Variants in TACC3 observed in about 807,000 individuals in gnomAD.
TACC3 encodes transforming acidic coiled-coil-containing protein 3.
A neutral mutation model predicts 86.0 loss-of-function variants in TACC3; 52 were observed. The observed-to-expected ratio is 0.60, with a 90% CI of 0.48 to 0.76. The LOEUF is 0.76. Ranked by LOEUF, TACC3 falls within the 30% of genes least tolerant of loss-of-function variation. The pLI is 0.00. For synonymous variants in TACC3, 512 were observed against 430.0 expected (o/e 1.19, Z -2.36); for missense variants, 1,120 against 1,070.4 (o/e 1.05, Z -0.65).
intron 3 of TACC3, 108 bp from the exon 4 acceptor site, chr4:1,727,600 G>C: frequency 6.7e-7 from 1 of 1,502,512 alleles, no homozygotes; most frequent in Non-Finnish European, 8.9e-7. Flanking sequence ...GGGTGACTCA[G>C]CCCTGCTTCT....
intron 6 of TACC3, among the ~76,000 whole-genome samples, chr4:1,733,849 ATGCC>A (rs955094281): frequency 6.6e-6 from 1 of 152,020 alleles, no homozygotes; most frequent in African/African-American, 2.4e-5. Context: ...GTGTTGGCAC[ATGCC>A]TGTAATCCTA....
In TACC3 at chr4:1,744,554, C is replaced by T. The variant is rs1169162345; in HGVS notation, c.2260C>T (p.Leu754=). 4.3e-6 allele frequency: 7 copies of T among 1,613,128 alleles called. No individual in the cohort carries two copies. The highest frequency in any genetic ancestry group is 5.9e-6 in the Non-Finnish European group (7 of 1,179,988). Reference sequence around the variant, plus strand: ...ACTGAAGAAGTGCGTGGAGGATTACCTGGCAAGGATCACCCAGGAGGGCCA... The same window carrying T: ...ACTGAAGAAGTGCGTGGAGGATTACTTGGCAAGGATCACCCAGGAGGGCCA... ...ESLKKCVEDY[L]ARITQEGQRY... is the part of the protein sequence containing the mutation. The change falls in exon 14 of 16, where the codon CTG becomes TTG. Residue 754 remains leucine (L), a synonymous_variant. Coordinates refer to ENST00000313288, the MANE Select transcript of TACC3 (RefSeq NM_006342.3).
In TACC3 at chr4:1,723,520, G is replaced by A. The variant is rs142473170; in HGVS notation, c.99G>A (p.Ser33=). 139 of 1,613,758 alleles carry A rather than the reference G, an allele frequency of 8.6e-5. No homozygotes were observed. The East Asian group carries it at 1.8e-3, about 21-fold the overall frequency. The change falls in exon 2 of 16, where the codon TCG becomes TCA. Residue 33 remains serine (S), a synonymous_variant. Coordinates refer to ENST00000313288, the MANE Select transcript of TACC3 (RefSeq NM_006342.3). ...CGCCACCAGAAGTTACCGGAAGATC[G>A]TCTGTTCTTCGTGTGTCACAGAAAG... The part of the protein sequence containing the change: ...LFSPPEVTGR[S]SVLRVSQKEN...
chr4:1,732,349 G>A (rs1301854800), intron 6 of TACC3, among the ~76,000 whole-genome samples: 1 of 149,980 alleles, frequency 6.7e-6, no homozygotes, highest in Non-Finnish European at 1.5e-5. Flanking sequence ...TTGTCCGTAA[G>A]ATTGGAGGCT....
At chr4:1,722,916 C>T (rs12331136) in intron 1 of TACC3, among the ~76,000 whole-genome samples, 483 of 152,222 alleles carry the variant, frequency 3.2e-3, no homozygotes, top group African/African-American at 0.011. Flanking sequence ...TGGTCTTGTC[C>T]CGCTGCCTAG....
intron 12 of TACC3, 134 bp downstream of exon 12, chr4:1,740,136 A>G (rs1301339123): frequency 2.4e-6 from 2 of 821,088 alleles, no homozygotes; most frequent in Non-Finnish European, 3.9e-6. Context: ...TCCCTTCAAC[A>G]TGGGCCCGGC....
chr4:1,744,889 T>G lies in TACC3; in HGVS notation c.2451+57T>G. ...TCTGGCAGCACCTTCTAGAAGGCCC[T>G]TGGGCCTGCTGCTCCCTCCAAGCAG... On this transcript the variant is annotated intron_variant, in intron 15 of 15. Coordinates refer to ENST00000313288, the MANE Select transcript of TACC3 (RefSeq NM_006342.3). 1.9e-6 allele frequency: 3 copies of G among 1,612,136 alleles called. No individual in the cohort carries two copies. The Admixed American group carries it at 5.0e-5, about 27-fold the overall frequency.
In TACC3 at chr4:1,740,008, T is replaced by G. The variant is rs900815016; in HGVS notation, c.2062+6T>G. ...GGTTGTGTACCAGGCCATGGGTGAG[T>G]GCCCGGGCCACCGAGGCCACGTGCC... On this transcript the variant is annotated splice_donor_region_variant and intron_variant, in intron 12 of 15. Coordinates refer to ENST00000313288, the MANE Select transcript of TACC3 (RefSeq NM_006342.3). 53 of 1,612,674 alleles carry G rather than the reference T, an allele frequency of 3.3e-5. No homozygotes were observed. Among genetic ancestry groups the G allele is most frequent in the Non-Finnish European group, 4.4e-5 (52 of 1,179,944 alleles).
intron 1 of TACC3, 112 bp downstream of exon 1, chr4:1,721,755 G>C (rs1011949218): frequency 6.6e-6 from 1 of 152,036 alleles, no homozygotes; most frequent in Non-Finnish European, 1.5e-5. Context: ...CGCTTTCCCC[G>C]GGAAGCGTCC....
At chr4:1,725,330 T>C (rs972334795) in intron 3 of TACC3, among the ~76,000 whole-genome samples, 4 of 152,174 alleles carry the variant, frequency 2.6e-5, no homozygotes, top group Non-Finnish European at 5.9e-5. Context: ...ATGTCACCAG[T>C]AAGTGCAGGC....
intron 6 of TACC3, among the ~76,000 whole-genome samples, chr4:1,732,554 ATAAGATCTCAATTTAG>A (rs1718056593): frequency 6.6e-6 from 1 of 151,754 alleles, no homozygotes; most frequent in Non-Finnish European, 1.5e-5. Context: ...CCAGGTGGGT[ATAAGATCTCAATTTAG>A]AGAACTGAAA....
intron 8 of TACC3, among the ~76,000 whole-genome samples, chr4:1,736,187 G>A (rs1035282868): frequency 6.6e-6 from 1 of 152,180 alleles, no homozygotes; most frequent in African/African-American, 2.4e-5. Flanking sequence ...ACTTTGGGAG[G>A]CCGAGGTGGA....
chr4:1,743,864 A>G (rs1406031087), intron 13 of TACC3, among the ~76,000 whole-genome samples: 1 of 152,228 alleles, frequency 6.6e-6, no homozygotes, highest in Non-Finnish European at 1.5e-5. Flanking sequence ...CAGGGGCTGC[A>G]TGCTGGGTAG....
chr4:1,724,379 CTTTTTTTT>C (rs35896374), intron 3 of TACC3, among the ~76,000 whole-genome samples: 3 of 108,384 alleles, frequency 2.8e-5, no homozygotes, highest in African/African-American at 7.9e-5. Flanking sequence ...TCATACTTCA[CTTTTTTTT>C]TTTTTTTTTT....
At chr4:1,725,386 T>TACCCCTCC (rs1717636394) in intron 3 of TACC3, among the ~76,000 whole-genome samples, 1 of 152,216 alleles carries the variant, frequency 6.6e-6, no homozygotes, top group Non-Finnish European at 1.5e-5. Flanking sequence ...GTCTCCCCTC[T>TACCCCTCC]ACCCCTCCAG....
At chr4:1,737,190 A>C (rs569074352) in intron 8 of TACC3, 51 bp from the exon 9 acceptor site, 2 of 1,462,166 alleles carry the variant, frequency 1.4e-6, no homozygotes, top group South Asian at 2.3e-5. Flanking sequence ...TCTGTGTCCT[A>C]CTCAACACTG....
intron 9 of TACC3, 26 bp downstream of exon 9, chr4:1,737,354 T>G (rs371963710): frequency 3.1e-6 from 5 of 1,595,386 alleles, no homozygotes; most frequent in African/African-American, 2.7e-5. Context: ...CCTCTTGAAC[T>G]GTCTTGTGTG....
At chr4:1,741,742 C>T (rs1467140313) in intron 13 of TACC3, 1 of 152,282 alleles carries the variant, frequency 6.6e-6, no homozygotes, top group Admixed American at 6.5e-5. Flanking sequence ...GCAGGGCCTG[C>T]TGAGCCACAC....
At chr4:1,744,653 A>C (rs200881428) in intron 14 of TACC3, 29 bp downstream of exon 14, 16 of 1,612,328 alleles carry the variant, frequency 9.9e-6, no homozygotes, top group African/African-American at 4.0e-5. Context: ...CCCACCCTGG[A>C]GGGAGAATCT....
Sources: gnomAD v4.1 joint callset for allele counts (sites outside exome capture counted in the v4.1 genomes callset) on GRCh38, gnomAD v4.1.1 for gene constraint, MANE v1.5 for transcripts, NCBI Gene and HGNC (gene_info 2026-07-23, HGNC 2026-07-21) for gene names.